GALNT14: variants seen among roughly 807,000 people sequenced by gnomAD.
GALNT14 encodes the protein UDP-GalNAc:polypeptide N-acetylgalactosaminyltransferase 14.
Under a neutral mutation model 77.5 loss-of-function variants are expected in GALNT14, and 60 were observed. That is an observed-to-expected ratio of 0.77 (90% CI 0.63 to 0.96). The LOEUF (loss-of-function observed/expected upper bound fraction) is 0.96, where lower values mean the gene tolerates loss of function less well. GALNT14 is among the 40% of genes least tolerant of loss of function. GALNT14 has a pLI of 0.00. For synonymous variants in GALNT14, 280 were observed against 281.7 expected (o/e 0.99, Z 0.06); for missense variants, 710 against 731.0 (o/e 0.97, Z 0.33).
chr2:30,946,379 T>C (rs1207854760), intron 6 of GALNT14, among the ~76,000 whole-genome samples: 1 of 152,182 alleles, frequency 6.6e-6, no homozygotes, highest in Non-Finnish European at 1.5e-5. Flanking sequence ...GGCTTAACAC[T>C]ATCCCCTTGG....
At chr2:31,011,134 T>A (rs145344305) in intron 1 of GALNT14, among the ~76,000 whole-genome samples, 451 of 152,336 alleles carry the variant, frequency 3.0e-3, no homozygotes, top group African/African-American at 0.01. Flanking sequence ...CTCCAGTTAC[T>A]GTCTCTGTGA....
At chr2:31,048,844 G>C (rs1159969213) in intron 1 of GALNT14, among the ~76,000 whole-genome samples, 1 of 152,104 alleles carries the variant, frequency 6.6e-6, no homozygotes, top group East Asian at 1.9e-4. Flanking sequence ...ACGTCCTTGA[G>C]ATCAGGAACT....
At chr2:31,072,634 T>A (rs1310225444) in intron 1 of GALNT14, among the ~76,000 whole-genome samples, 1 of 152,122 alleles carries the variant, frequency 6.6e-6, no homozygotes, top group African/African-American at 2.4e-5. Flanking sequence ...ATTCCAAATG[T>A]GACACAGGCA....
intron 1 of GALNT14, among the ~76,000 whole-genome samples, chr2:31,028,094 T>C (rs538840271): frequency 1.3e-5 from 2 of 152,328 alleles, no homozygotes; most frequent in East Asian, 3.9e-4. Flanking sequence ...CTGTTAATGA[T>C]TCCCATCGTT....
chr2:31,019,645 C>T (rs1398933955), intron 1 of GALNT14, among the ~76,000 whole-genome samples: 1 of 152,168 alleles, frequency 6.6e-6, no homozygotes, highest in Non-Finnish European at 1.5e-5. Flanking sequence ...AAGTGGCTAT[C>T]GCTGTCTTTC....
intron 1 of GALNT14, among the ~76,000 whole-genome samples, chr2:31,007,720 C>T (rs867497): frequency 0.055 from 8,336 of 152,204 alleles, 687 homozygotes; most frequent in African/African-American, 0.18. Context: ...CTTTGGTTTA[C>T]GTTTTACTTT....
chr2:30,898,130 G>A, the GALNT14 span, among the ~76,000 whole-genome samples: 1 of 152,082 alleles, frequency 6.6e-6, no homozygotes, highest in Non-Finnish European at 1.5e-5. Context: ...CCTTATAAAA[G>A]GGACCCCCAG....
chr2:30,912,015 G>T (rs1353501446), intron 14 of GALNT14, among the ~76,000 whole-genome samples: 1 of 152,178 alleles, frequency 6.6e-6, no homozygotes, highest in Non-Finnish European at 1.5e-5. Context: ...CTTTCATGGG[G>T]CAGGCTGACC....
intron 3 of GALNT14, among the ~76,000 whole-genome samples, chr2:30,965,933 C>T (rs1265457328): frequency 6.6e-6 from 1 of 152,152 alleles, no homozygotes; most frequent in African/African-American, 2.4e-5. Flanking sequence ...AGGCCGAGGG[C>T]TCTGAGGCTG....
rs112856928 is a variant in GALNT14, at chr2:31,050,393, G to C, written c.130-57386C>G. On this transcript the variant is annotated intron_variant, in intron 1 of 14. Transcript: ENST00000349752. ...TAGGCCTCTGAACACAGATGGACAG[G>C]CATGACCAGCAGCTTCCGGTCAGTG... Among the ~76,000 whole-genome samples, 918 of 152,270 alleles carry C rather than the reference G, an allele frequency of 6.0e-3. 8 individuals carry two copies. The highest frequency in any genetic ancestry group is 0.021 in the African/African-American group (858 of 41,546).
chr2:31,016,334 T>C (rs1671356827), intron 1 of GALNT14, among the ~76,000 whole-genome samples: 1 of 152,136 alleles, frequency 6.6e-6, no homozygotes, highest in Non-Finnish European at 1.5e-5. Flanking sequence ...CCAACCTTGA[T>C]TACCTCCTTA....
chr2:31,038,680 G>A (rs1672914571), intron 1 of GALNT14, among the ~76,000 whole-genome samples: 1 of 152,106 alleles, frequency 6.6e-6, no homozygotes, highest in Non-Finnish European at 1.5e-5. Flanking sequence ...CAGAGCTGAG[G>A]AGAGGTGAAT....
chr2:30,967,634 C>T (rs983738050), intron 2 of GALNT14, among the ~76,000 whole-genome samples: 3 of 152,170 alleles, frequency 2.0e-5, no homozygotes, highest in Non-Finnish European at 2.9e-5. Context: ...TCACCATGTC[C>T]TTTTGCCCCA....
At chr2:31,027,546 C>T (rs963401256) in intron 1 of GALNT14, among the ~76,000 whole-genome samples, 3 of 152,106 alleles carry the variant, frequency 2.0e-5, no homozygotes, top group Non-Finnish European at 4.4e-5. Flanking sequence ...GCAAAAGATC[C>T]TCGACAAAAG....
intron 5 of GALNT14, 26 bp downstream of exon 5, chr2:30,955,886 G>GCT (rs1558439827): frequency 6.2e-7 from 1 of 1,613,262 alleles, no homozygotes; most frequent in South Asian, 1.1e-5. Context: ...CACACTGGAG[G>GCT]CTCCCGCACA....
chr2:31,096,737 C>G (rs1040207900), intron 1 of GALNT14, among the ~76,000 whole-genome samples: 2 of 152,056 alleles, frequency 1.3e-5, no homozygotes, highest in African/African-American at 2.4e-5. Context: ...TAATACATGC[C>G]CTAAATGAAA....
intron 13 of GALNT14, among the ~76,000 whole-genome samples, chr2:30,914,349 G>C (rs1664543455): frequency 6.6e-6 from 1 of 152,104 alleles, no homozygotes; most frequent in Admixed American, 6.6e-5. Context: ...TTAATCCGGG[G>C]AGAAGACACC....
chr2:30,985,047 AGG>A (rs1490305685), intron 2 of GALNT14, among the ~76,000 whole-genome samples: 3 of 69,366 alleles, frequency 4.3e-5, no homozygotes, highest in African/African-American at 3.7e-4. Context: ...ATGAGCTCCT[AGG>A]GCCCACTAGG....
chr2:30,940,993 A>G (rs1161422465), intron 9 of GALNT14, among the ~76,000 whole-genome samples: 1 of 152,228 alleles, frequency 6.6e-6, no homozygotes, highest in African/African-American at 2.4e-5. Flanking sequence ...GCCAGAAGCC[A>G]TAAATTTCCA....
Sources: gnomAD v4.1 joint callset for allele counts (sites outside exome capture counted in the v4.1 genomes callset) on GRCh38, gnomAD v4.1.1 for gene constraint, MANE v1.5 for transcripts, NCBI Gene and HGNC (gene_info 2026-07-23, HGNC 2026-07-21) for gene names.